Variants in CNTNAP5 observed in about 807,000 individuals in gnomAD.
CNTNAP5 encodes the protein contactin associated protein family member 5.
A neutral mutation model predicts 150.2 loss-of-function variants in CNTNAP5; 72 were observed. That is an observed-to-expected ratio of 0.48 (90% CI 0.40 to 0.58). CNTNAP5 has a LOEUF of 0.58. CNTNAP5 is among the 20% of genes least tolerant of loss of function. CNTNAP5 has a pLI of 0.00. For missense variants in CNTNAP5, 1,636 were observed against 1,626.2 expected (o/e 1.01, Z -0.10); for synonymous variants, 672 against 619.8 (o/e 1.08, Z -1.25).
chr2:124,867,934 T>C lies in CNTNAP5; in HGVS notation c.3349-1741T>C, dbSNP rs578222517. Among the ~76,000 whole-genome samples, 13 of 152,296 alleles carry C rather than the reference T, an allele frequency of 8.5e-5. No individual in the cohort carries two copies. In the East Asian group the frequency reaches 2.1e-3, roughly 25 times the overall value. ...AAGTTCTCCTGAAACAATGACCTCATCCCCTGCAAGCATGTCCCAGTTAGT... is the reference window on the plus strand; with the variant it reads ...AAGTTCTCCTGAAACAATGACCTCACCCCCTGCAAGCATGTCCCAGTTAGT... On this transcript the variant is annotated intron_variant, in intron 20 of 23. Transcript: ENST00000682447.
At chr2:124,851,823 A>G (rs1447512182) in intron 19 of CNTNAP5, among the ~76,000 whole-genome samples, 1 of 152,230 alleles carries the variant, frequency 6.6e-6, no homozygotes, top group African/African-American at 2.4e-5. Flanking sequence ...CTGGATATAA[A>G]GTGGCTTATA....
intron 12 of CNTNAP5, among the ~76,000 whole-genome samples, chr2:124,614,972 T>A (rs1677463748): frequency 2.0e-5 from 1 of 50,754 alleles, no homozygotes; most frequent in African/African-American, 6.3e-5. Context: ...AATTGTGCAA[T>A]AGCATTATAT....
chr2:124,409,992 C>T (rs962016019), intron 3 of CNTNAP5, among the ~76,000 whole-genome samples: 20 of 150,232 alleles, frequency 1.3e-4, no homozygotes, highest in Non-Finnish European at 1.6e-4. Flanking sequence ...ACCCATCTCA[C>T]GTGCAGAGAC....
chr2:124,337,406 T>G (rs937507466), intron 3 of CNTNAP5, among the ~76,000 whole-genome samples: 1 of 152,236 alleles, frequency 6.6e-6, no homozygotes, highest in Non-Finnish European at 1.5e-5. Context: ...TTTTGGCTTT[T>G]GTTGCCATTG....
intron 13 of CNTNAP5, among the ~76,000 whole-genome samples, chr2:124,655,284 G>T (rs1678418819): frequency 6.6e-6 from 1 of 151,910 alleles, no homozygotes; most frequent in Non-Finnish European, 1.5e-5. Context: ...TGAGAATGTT[G>T]GTTTTCAGCT....
intron 1 of CNTNAP5, among the ~76,000 whole-genome samples, chr2:124,103,028 G>T (rs1196327601): frequency 6.6e-6 from 1 of 152,086 alleles, no homozygotes; most frequent in African/African-American, 2.4e-5. Flanking sequence ...CGGTGTTTCT[G>T]CAAGATTATA....
At chr2:124,192,777 C>G (rs1294027537) in intron 1 of CNTNAP5, among the ~76,000 whole-genome samples, 1 of 152,136 alleles carries the variant, frequency 6.6e-6, no homozygotes, top group Non-Finnish European at 1.5e-5. Flanking sequence ...GAATATTAAA[C>G]CTCATCTCTT....
At chr2:124,065,109 T>G (rs1320515886) in intron 1 of CNTNAP5, among the ~76,000 whole-genome samples, 1 of 152,142 alleles carries the variant, frequency 6.6e-6, no homozygotes, top group African/African-American at 2.4e-5. Flanking sequence ...GCTGAATGGT[T>G]TGAGTACATG....
intron 19 of CNTNAP5, among the ~76,000 whole-genome samples, chr2:124,855,714 C>A (rs1573664017): frequency 6.6e-6 from 1 of 152,088 alleles, no homozygotes; most frequent in African/African-American, 2.4e-5. Flanking sequence ...TTTTATTTTT[C>A]AAAATGTTTA....
chr2:124,898,127 C>G (rs368503742), intron 21 of CNTNAP5, among the ~76,000 whole-genome samples: 4 of 151,412 alleles, frequency 2.6e-5, no homozygotes, highest in African/African-American at 7.3e-5. Flanking sequence ...AAAATTTTTA[C>G]TTGTATATAC....
intron 7 of CNTNAP5, among the ~76,000 whole-genome samples, chr2:124,477,289 G>T (rs1308876602): frequency 1.3e-5 from 2 of 151,998 alleles, no homozygotes; most frequent in African/African-American, 4.8e-5. Context: ...CTTTGTGTTT[G>T]TTTTATTCTT....
At chr2:124,788,623 CAG>C (rs1473296648) in intron 17 of CNTNAP5, among the ~76,000 whole-genome samples, 7 of 123,516 alleles carry the variant, frequency 5.7e-5, no homozygotes, top group African/African-American at 1.3e-4. Flanking sequence ...TTTTTTGAGA[CAG>C]AGTCTCGCCC....
At chr2:124,377,547 C>T (rs1041595092) in intron 3 of CNTNAP5, among the ~76,000 whole-genome samples, 8 of 151,684 alleles carry the variant, frequency 5.3e-5, no homozygotes, top group Non-Finnish European at 7.4e-5. Flanking sequence ...TGGTGGCATG[C>T]GCCTGTAATC....
chr2:124,585,666 A>G lies in CNTNAP5; in HGVS notation c.1756+22343A>G, dbSNP rs1270089871. ...GGGACAGTGAGTCAGGGAGAGCTTG[A>G]AGCTTTTTTTTTTTTTTTTTTTTTT... is the stretch of plus-strand genomic sequence containing the variant. On this transcript the variant is annotated intron_variant, in intron 11 of 23. Coordinates refer to ENST00000682447, the MANE Select transcript of CNTNAP5 (RefSeq NM_001367498.1). Among the ~76,000 whole-genome samples the G allele has an allele frequency of 3.0e-5, 4 of 133,500 alleles. No homozygotes were observed. The Admixed American group carries it at 3.0e-4, about 10-fold the overall frequency. The allele number at this position is 133,500 out of a possible 152,430, so 87.6% of individuals were successfully genotyped here.
At chr2:124,621,346 G>T (rs554756433) in intron 12 of CNTNAP5, among the ~76,000 whole-genome samples, 14 of 152,306 alleles carry the variant, frequency 9.2e-5, no homozygotes, top group South Asian at 4.1e-4. Context: ...CAAGGAATTT[G>T]CAAGGAACAT....
intron 13 of CNTNAP5, among the ~76,000 whole-genome samples, chr2:124,674,576 T>C (rs1161729098): frequency 1.3e-5 from 2 of 149,732 alleles, no homozygotes; most frequent in Non-Finnish European, 3.0e-5. Context: ...TCTTTCTTTC[T>C]TTTCATCTCC....
At chr2:124,830,365 A>G (rs1682687449) in intron 19 of CNTNAP5, among the ~76,000 whole-genome samples, 1 of 152,092 alleles carries the variant, frequency 6.6e-6, no homozygotes, top group South Asian at 2.1e-4. Flanking sequence ...ACAACACAGG[A>G]ATTATCTTAA....
At chr2:124,875,902 C>A (rs1299573461) in intron 21 of CNTNAP5, among the ~76,000 whole-genome samples, 1 of 151,842 alleles carries the variant, frequency 6.6e-6, no homozygotes, top group Non-Finnish European at 1.5e-5. Context: ...ACAATAACAA[C>A]AAAAGAGAAA....
chr2:124,302,403 G>C (rs1027151882), intron 3 of CNTNAP5, among the ~76,000 whole-genome samples: 3 of 152,164 alleles, frequency 2.0e-5, no homozygotes, highest in African/African-American at 4.8e-5. Context: ...AAATGCATTT[G>C]GCTTATGGGT....
Sources: allele counts gnomAD v4.1 joint callset (sites outside exome capture counted in the v4.1 genomes callset), GRCh38; gene constraint gnomAD v4.1.1; transcripts MANE v1.5; gene names NCBI Gene and HGNC (gene_info 2026-07-23, HGNC 2026-07-21).